KLHL29: variants seen among roughly 807,000 people sequenced by gnomAD.
KLHL29 encodes kelch like family member 29.
A neutral mutation model predicts 80.4 loss-of-function variants in KLHL29; 21 were observed. The ratio of observed to expected loss-of-function variants is 0.26; its 90% CI spans 0.19 to 0.38. The LOEUF is 0.38. Among genes scored for constraint, KLHL29 ranks in the 10% least tolerant of loss-of-function variants. The pLI is 1.00. For missense variants in KLHL29, 867 were observed against 1,223.9 expected, an observed-to-expected ratio of 0.71 and a Z score of 4.35; for synonymous variants, 511 against 526.8, an observed-to-expected ratio of 0.97 and a Z score of 0.41.
chr2:23,701,671 CCACT>C (rs56301915), intron 11 of KLHL29, among the ~76,000 whole-genome samples: 98,810 of 151,552 alleles, frequency 0.65, 33,033 homozygotes, highest in East Asian at 0.84. Flanking sequence ...CATAATCATG[CCACT>C]CACTGCATTC....
chr2:23,644,692 T>C (rs1184795161), intron 5 of KLHL29, among the ~76,000 whole-genome samples: 1 of 152,242 alleles, frequency 6.6e-6, no homozygotes, highest in Non-Finnish European at 1.5e-5. Flanking sequence ...ATTGCAGAGC[T>C]GTTCCTGTAA....
intron 2 of KLHL29, among the ~76,000 whole-genome samples, chr2:23,500,227 G>A (rs1467395201): frequency 6.6e-6 from 1 of 152,204 alleles, no homozygotes; most frequent in Non-Finnish European, 1.5e-5. Flanking sequence ...GTGTGCAGAA[G>A]GTAGGGAGTC....
intron 1 of KLHL29, among the ~76,000 whole-genome samples, chr2:23,456,762 CA>C (rs1303355095): frequency 1.3e-5 from 2 of 152,000 alleles, no homozygotes; most frequent in South Asian, 2.1e-4. Flanking sequence ...CTTCCCCCAC[CA>C]AAAAAAGGGG....
chr2:23,514,797 C>T (rs1665873064), intron 2 of KLHL29, among the ~76,000 whole-genome samples: 1 of 152,188 alleles, frequency 6.6e-6, no homozygotes, highest in Non-Finnish European at 1.5e-5. Context: ...GAAAATAGAC[C>T]ACGCTCCATC....
At chr2:23,683,761 C>T (rs760567702) in intron 5 of KLHL29, among the ~76,000 whole-genome samples, 47 of 152,260 alleles carry the variant, frequency 3.1e-4, no homozygotes, top group Middle Eastern at 3.4e-3. Flanking sequence ...TGGGAGGAGG[C>T]GCAGAGGGTC....
chr2:23,404,207 C>G (rs185069785), intron 1 of KLHL29, among the ~76,000 whole-genome samples: 7 of 151,852 alleles, frequency 4.6e-5, no homozygotes, highest in African/African-American at 1.7e-4. Context: ...AATTGCTGCC[C>G]GTCAATCTCA....
At chr2:23,464,396 A>G (rs1010790419) in intron 1 of KLHL29, among the ~76,000 whole-genome samples, 2 of 152,156 alleles carry the variant, frequency 1.3e-5, no homozygotes, top group African/African-American at 4.8e-5. Context: ...AGGTGGAGGA[A>G]ACACTCCAGC....
rs551002507 is a variant in KLHL29 at position 23,670,400 on chromosome 2, G to C, written c.941-13999G>C. On this transcript the variant is annotated intron_variant, in intron 5 of 13. Coordinates refer to ENST00000486442, the MANE Select transcript of KLHL29 (RefSeq NM_052920.2). ...GGGGCACGACTGGACTCGCCGACCG[G>C]TGTGATGGGCAGGGGGGTGTGCTGG... 2.6e-5 allele frequency: 4 copies of C among 152,446 alleles called. No homozygotes were observed. In the East Asian group the frequency reaches 5.8e-4, roughly 22 times the overall value. 9.4% of individuals were successfully genotyped at this position (152,446 alleles called of 1,614,324 possible).
At chr2:23,417,621 GCT>G (rs1292868633) in intron 1 of KLHL29, among the ~76,000 whole-genome samples, 2 of 152,154 alleles carry the variant, frequency 1.3e-5, no homozygotes, top group Non-Finnish European at 2.9e-5. Flanking sequence ...GTGGATGGAG[GCT>G]CTGTACCCAG....
At chr2:23,492,034 C>A (rs1056997925) in intron 2 of KLHL29, among the ~76,000 whole-genome samples, 5 of 152,348 alleles carry the variant, frequency 3.3e-5, no homozygotes, top group African/African-American at 1.2e-4. Context: ...GGGCTCCCTG[C>A]CTCCACCTTT....
At chr2:23,634,156 C>A (rs921280215) in intron 3 of KLHL29, among the ~76,000 whole-genome samples, 3 of 152,088 alleles carry the variant, frequency 2.0e-5, no homozygotes, top group Non-Finnish European at 4.4e-5. Context: ...ACCCAGAGTG[C>A]GTGCTCAGTG....
intron 2 of KLHL29, among the ~76,000 whole-genome samples, chr2:23,549,601 C>T (rs914102448): frequency 1.3e-5 from 2 of 152,194 alleles, no homozygotes; most frequent in Admixed American, 6.5e-5. Context: ...CAGCCTGGTA[C>T]TGAGGTCAGC....
intron 2 of KLHL29, among the ~76,000 whole-genome samples, chr2:23,551,273 C>T (rs981778186): frequency 6.6e-6 from 1 of 152,102 alleles, no homozygotes; most frequent in African/African-American, 2.4e-5. Context: ...TAATGATTTA[C>T]ACCAGGAGCA....
At chr2:23,404,838 A>C (rs895835071) in intron 1 of KLHL29, among the ~76,000 whole-genome samples, 1 of 152,252 alleles carries the variant, frequency 6.6e-6, no homozygotes, top group Non-Finnish European at 1.5e-5. Flanking sequence ...AGTTTTCTCC[A>C]GACAGACAGT....
At chr2:23,531,057 A>G (rs140647608) in intron 2 of KLHL29, among the ~76,000 whole-genome samples, 1 of 152,288 alleles carries the variant, frequency 6.6e-6, no homozygotes, top group Non-Finnish European at 1.5e-5. Context: ...TAAGAAGTGC[A>G]AAGTTCAGGT....
intron 2 of KLHL29, among the ~76,000 whole-genome samples, chr2:23,553,547 C>G (rs994815431): frequency 6.6e-6 from 1 of 152,138 alleles, no homozygotes; most frequent in Non-Finnish European, 1.5e-5. Context: ...TTGGAGGTGC[C>G]GAACACCTCA....
At chr2:23,401,361 C>T (rs1049447981) in intron 1 of KLHL29, among the ~76,000 whole-genome samples, 13 of 152,184 alleles carry the variant, frequency 8.5e-5, no homozygotes, top group African/African-American at 3.1e-4. Flanking sequence ...ACCCTAAGTC[C>T]ACCAGGTCAC....
chr2:23,480,361 C>T (rs1051044405), intron 2 of KLHL29, among the ~76,000 whole-genome samples: 18 of 152,162 alleles, frequency 1.2e-4, no homozygotes, highest in African/African-American at 2.4e-4. Flanking sequence ...GTGACACACG[C>T]CTATAGTCCC....
intron 5 of KLHL29, among the ~76,000 whole-genome samples, chr2:23,665,030 T>A (rs938928899): frequency 6.6e-6 from 1 of 152,260 alleles, no homozygotes; most frequent in Non-Finnish European, 1.5e-5. Context: ...GGCCTGGGCC[T>A]CTCTCACGTG....
Sources: gnomAD v4.1 joint callset for allele counts (sites outside exome capture counted in the v4.1 genomes callset) on GRCh38, gnomAD v4.1.1 for gene constraint, MANE v1.5 for transcripts, NCBI Gene and HGNC (gene_info 2026-07-23, HGNC 2026-07-21) for gene names.